Variants in DCLK1 observed in about 807,000 individuals in gnomAD.
The protein encoded by DCLK1 is serine/threonine-protein kinase DCLK1.
A neutral mutation model predicts 86.2 loss-of-function variants in DCLK1; 16 were observed. The ratio of observed to expected loss-of-function variants is 0.19; its 90% CI spans 0.13 to 0.28. DCLK1 has a LOEUF of 0.28. DCLK1 is among the 10% of genes least tolerant of loss of function. The probability of loss-of-function intolerance (pLI) is 1.00; values close to 1 mark genes in which losing one functional copy is unlikely to be tolerated. For synonymous variants in DCLK1, 369 were observed against 370.5 expected (o/e 1.00, Z 0.05); for missense variants, 590 against 940.2 (o/e 0.63, Z 4.87).
intron 3 of DCLK1, among the ~76,000 whole-genome samples, chr13:36,104,456 C>T (rs1244199682): frequency 6.6e-6 from 1 of 152,152 alleles, no homozygotes; most frequent in Non-Finnish European, 1.5e-5. Context: ...AGTGAACAGG[C>T]TCCAAGAGAG....
chr13:35,959,439 G>A (rs1878329685), intron 3 of DCLK1, among the ~76,000 whole-genome samples: 1 of 152,066 alleles, frequency 6.6e-6, no homozygotes, highest in African/African-American at 2.4e-5. Flanking sequence ...GCACTGACCT[G>A]GAACACCCCC....
intron 10 of DCLK1, among the ~76,000 whole-genome samples, chr13:35,825,067 G>A (rs956810299): frequency 2.6e-5 from 4 of 152,218 alleles, no homozygotes; most frequent in Non-Finnish European, 4.4e-5. Flanking sequence ...GGAGGCAGAA[G>A]GCTAAAGTCC....
chr13:35,775,049 C>T (rs2086400288), intron 16 of DCLK1, among the ~76,000 whole-genome samples: 2 of 152,088 alleles, frequency 1.3e-5, no homozygotes, highest in African/African-American at 4.8e-5. Context: ...AAAAGGGGTG[C>T]CTGAGTCCTG....
intron 16 of DCLK1, among the ~76,000 whole-genome samples, chr13:35,788,518 AG>A (rs1309727646): frequency 6.6e-6 from 1 of 152,220 alleles, no homozygotes; most frequent in African/African-American, 2.4e-5. Context: ...TCTTCAAACA[AG>A]TTTTTGAATG....
intron 3 of DCLK1, among the ~76,000 whole-genome samples, chr13:35,955,802 A>G (rs1363470500): frequency 1.3e-5 from 2 of 152,160 alleles, no homozygotes; most frequent in Non-Finnish European, 2.9e-5. Context: ...TGGCTTACAG[A>G]GAACACCAGG....
intron 3 of DCLK1, among the ~76,000 whole-genome samples, chr13:36,057,840 T>G (rs1326296814): frequency 1.3e-5 from 2 of 152,144 alleles, no homozygotes; most frequent in African/African-American, 4.8e-5. Context: ...TAAGAAGAGT[T>G]TAGAAAGTCG....
intron 4 of DCLK1, among the ~76,000 whole-genome samples, chr13:35,910,638 C>T (rs906257098): frequency 6.6e-6 from 1 of 152,114 alleles, no homozygotes; most frequent in African/African-American, 2.4e-5. Flanking sequence ...TTTGATAGAC[C>T]TACAGTGAAA....
intron 3 of DCLK1, among the ~76,000 whole-genome samples, chr13:36,033,737 C>A (rs1285423034): frequency 6.6e-6 from 1 of 152,102 alleles, no homozygotes; most frequent in Non-Finnish European, 1.5e-5. Flanking sequence ...ACCAACCTGA[C>A]CAACATGGAG....
At chr13:36,092,893 A>G (rs1593883378) in intron 3 of DCLK1, among the ~76,000 whole-genome samples, 1 of 152,140 alleles carries the variant, frequency 6.6e-6, no homozygotes, top group South Asian at 2.1e-4. Flanking sequence ...TATCCTTTGC[A>G]TGTTAGGCAA....
chr13:36,052,018 G>A (rs1309371266), intron 3 of DCLK1, among the ~76,000 whole-genome samples: 2 of 152,100 alleles, frequency 1.3e-5, no homozygotes, highest in African/African-American at 4.8e-5. Flanking sequence ...GGAAGCCTGA[G>A]CCCCCCAGGT....
chr13:35,808,220 C>G lies in DCLK1; in HGVS notation c.1863+4G>C. 1 of 1,613,696 alleles carries G rather than the reference C, an allele frequency of 6.2e-7. No homozygotes were observed. The highest frequency in any genetic ancestry group is 1.7e-5 in the Admixed American group (1 of 60,004). On this transcript the variant is annotated splice_donor_region_variant and intron_variant, in intron 14 of 16. Coordinates refer to ENST00000360631, the MANE Select transcript of DCLK1 (RefSeq NM_001330071.2). ...TAGGGAAGAGGAAGGCACTGGACAC[C>G]TACCTTTGCAGAATCGGAAACATTA...
chr13:35,895,663 C>T (rs1056294024), intron 4 of DCLK1, among the ~76,000 whole-genome samples: 15 of 151,596 alleles, frequency 9.9e-5, no homozygotes, highest in African/African-American at 3.6e-4. Flanking sequence ...TAGAGAGGAA[C>T]ACAAATAAAG....
chr13:35,993,851 A>G (rs993359883), intron 3 of DCLK1, among the ~76,000 whole-genome samples: 1 of 152,120 alleles, frequency 6.6e-6, no homozygotes, highest in Non-Finnish European at 1.5e-5. Flanking sequence ...AAAAAAAAAA[A>G]AAGCTAGGAT....
chr13:35,825,127 C>T lies in DCLK1; in HGVS notation c.1408-2252G>A, dbSNP rs866271476. On this transcript the variant is annotated intron_variant, in intron 10 of 16. Coordinates refer to ENST00000360631, the MANE Select transcript of DCLK1 (RefSeq NM_001330071.2). ...ATTCTCATTAACTGCCGATCCACTG[C>T]CGTCCGGAACATGAGCCTTGTTTGT... is the stretch of plus-strand genomic sequence containing the variant. 2.6e-5 allele frequency among the ~76,000 whole-genome samples: 4 copies of T among 152,322 alleles called. No homozygotes were observed. In the Middle Eastern group the frequency reaches 0.01, roughly 389 times the overall value.
At chr13:35,872,506 G>C (rs1260987921) in intron 4 of DCLK1, among the ~76,000 whole-genome samples, 1 of 152,126 alleles carries the variant, frequency 6.6e-6, no homozygotes, top group Non-Finnish European at 1.5e-5. Context: ...GTATTTCACT[G>C]TTATAAATAA....
intron 2 of DCLK1, among the ~76,000 whole-genome samples, chr13:36,115,953 A>AT (rs1271095557): frequency 6.7e-6 from 1 of 149,958 alleles, no homozygotes; most frequent in Admixed American, 6.7e-5. Flanking sequence ...TTTATGTTTC[A>AT]TTTTTTATGT....
At chr13:36,089,192 C>A (rs1015026289) in intron 3 of DCLK1, among the ~76,000 whole-genome samples, 14 of 152,154 alleles carry the variant, frequency 9.2e-5, no homozygotes, top group Non-Finnish European at 1.9e-4. Context: ...GGCCTGATTT[C>A]TGCCCCATTT....
chr13:35,953,316 G>A lies in DCLK1; in HGVS notation c.724-5859C>T, dbSNP rs543976616. Among the ~76,000 whole-genome samples, 5 of 152,102 alleles carry A rather than the reference G, an allele frequency of 3.3e-5. No individual in the cohort carries two copies. The East Asian group carries it at 7.8e-4, about 24-fold the overall frequency. On this transcript the variant is annotated intron_variant, in intron 3 of 16. Transcript: ENST00000360631. ...GCAGGCTGTTAACTACCAAGCTGTA[G>A]GAAAATGAGTCTATCATGCACCCTC...
intron 3 of DCLK1, among the ~76,000 whole-genome samples, chr13:36,019,822 C>T (rs762127199): frequency 6.6e-6 from 1 of 152,066 alleles, no homozygotes; most frequent in East Asian, 1.9e-4. Flanking sequence ...CTTCAGCATC[C>T]GATACATGGC....
Sources: gnomAD v4.1 joint callset for allele counts (sites outside exome capture counted in the v4.1 genomes callset) on GRCh38, gnomAD v4.1.1 for gene constraint, MANE v1.5 for transcripts, NCBI Gene and HGNC (gene_info 2026-07-23, HGNC 2026-07-21) for gene names.